Variants in LMX1B observed in about 807,000 individuals in gnomAD.
LMX1B encodes LIM homeobox transcription factor 1 beta.
Under a neutral mutation model 51.4 loss-of-function variants are expected in LMX1B, and 12 were observed. The ratio of observed to expected loss-of-function variants is 0.23; its 90% CI spans 0.15 to 0.38. The LOEUF is 0.38. LMX1B is among the 10% of genes least tolerant of loss of function. The pLI is 1.00. For synonymous variants in LMX1B, 237 were observed against 235.4 expected, an observed-to-expected ratio of 1.01 and a Z score of -0.06; for missense variants, 445 against 571.1, an observed-to-expected ratio of 0.78 and a Z score of 2.25.
chr9:126,650,462 G>C (rs1406947854), intron 2 of LMX1B, among the ~76,000 whole-genome samples: 1 of 152,216 alleles, frequency 6.6e-6, no homozygotes, highest in East Asian at 1.9e-4. Context: ...GCCCTCCCTG[G>C]GGACGATAAA....
intron 2 of LMX1B, among the ~76,000 whole-genome samples, chr9:126,666,289 T>C (rs1383364982): frequency 2.6e-5 from 4 of 152,150 alleles, no homozygotes; most frequent in African/African-American, 9.7e-5. Context: ...AGCATTCAGC[T>C]GACAGCCCTG....
chr9:126,621,989 G>T (rs1588262728), intron 2 of LMX1B, among the ~76,000 whole-genome samples: 1 of 152,068 alleles, frequency 6.6e-6, no homozygotes, highest in Admixed American at 6.5e-5. Flanking sequence ...TTTCTGCGTG[G>T]GCCCTTCCTT....
intron 2 of LMX1B, among the ~76,000 whole-genome samples, chr9:126,667,614 A>T (rs1836368007): frequency 1.3e-5 from 2 of 152,296 alleles, no homozygotes; most frequent in South Asian, 4.1e-4. Context: ...ATAGATCTGG[A>T]GGTGGTGGTT....
chr9:126,629,384 T>G (rs1378858546), intron 2 of LMX1B, among the ~76,000 whole-genome samples: 1 of 152,224 alleles, frequency 6.6e-6, no homozygotes, highest in African/African-American at 2.4e-5. Flanking sequence ...CTCAGCACTT[T>G]CCATTCTTTA....
intron 2 of LMX1B, among the ~76,000 whole-genome samples, chr9:126,686,235 A>G (rs4111368): frequency 0.45 from 67,096 of 147,788 alleles, 15,591 homozygotes; most frequent in East Asian, 0.53. Flanking sequence ...AGCCGAGATC[A>G]TACCACTGCA....
At position 126,615,974 on chromosome 9, in the gene LMX1B, G is replaced by A. The variant is rs1373202407; in HGVS notation, c.326+405G>A. Among the ~76,000 whole-genome samples, 1 of 152,194 alleles carries A rather than the reference G, an allele frequency of 6.6e-6. No individual in the cohort carries two copies. The highest frequency in any genetic ancestry group is 1.5e-5 in the Non-Finnish European group (1 of 68,040). ...TCAAGGGCCTGGTGTGTGGGGGTTT[G>A]GGATTCCTGGAGCCTGGAGCCAGGA... On this transcript the variant is annotated intron_variant, in intron 2 of 7. Transcript: ENST00000373474. The surrounding 1 kb of genome is among the most constrained non-coding windows in gnomAD (Gnocchi z 6.0).
At position 126,697,105 on chromosome 9, in the gene LMX1B, G is replaced by A. The variant is rs2030365536; in HGVS notation, c.*654G>A. On this transcript the variant is annotated 3_prime_UTR_variant, in exon 8 of 8. Coordinates refer to ENST00000373474, the MANE Select transcript of LMX1B (RefSeq NM_001174147.2). ...GCAAACACACACACAGCTGTATGGGGACACCAGAAGGGACAGGGATGCTCA... is the reference window on the plus strand; with the variant it reads ...GCAAACACACACACAGCTGTATGGGAACACCAGAAGGGACAGGGATGCTCA... 6.4e-6 allele frequency: 1 copy of A among 155,600 alleles called. No individual in the cohort carries two copies. The highest frequency in any genetic ancestry group is 1.4e-5 in the Non-Finnish European group (1 of 70,126). The allele number at this position is 155,600 out of a possible 1,614,324, so 9.6% of individuals were successfully genotyped here. A position where few individuals can be genotyped will look rare whatever the true frequency, so the allele number is the denominator to read the frequency against.
rs148193829 is a variant in LMX1B, at chr9:126,650,195, T to A, written c.326+34626T>A. Among the ~76,000 whole-genome samples, 6 of 152,302 alleles carry A rather than the reference T, an allele frequency of 3.9e-5. No individual in the cohort carries two copies. In the East Asian group the frequency reaches 1.2e-3, roughly 29 times the overall value. ...CTGAGGAGGGCTGGGCATAGGAGACTTCAGATAAGGAGCTTCCTGCCCTGC... is the reference window on the plus strand; with the variant it reads ...CTGAGGAGGGCTGGGCATAGGAGACATCAGATAAGGAGCTTCCTGCCCTGC... On this transcript the variant is annotated intron_variant, in intron 2 of 7. Transcript: ENST00000373474.
At chr9:126,657,058 C>G (rs1836131519) in intron 2 of LMX1B, among the ~76,000 whole-genome samples, 2 of 152,252 alleles carry the variant, frequency 1.3e-5, no homozygotes, top group African/African-American at 4.8e-5. Context: ...CCCTGGTCAC[C>G]TAACACTTGC....
chr9:126,694,922 C>T (rs1281692765), intron 6 of LMX1B, among the ~76,000 whole-genome samples: 4 of 152,106 alleles, frequency 2.6e-5, no homozygotes, highest in Non-Finnish European at 5.9e-5. Flanking sequence ...TATGCTCCAT[C>T]CTGCCCACAC....
chr9:126,652,416 C>T (rs1350701393), intron 2 of LMX1B, among the ~76,000 whole-genome samples: 1 of 152,240 alleles, frequency 6.6e-6, no homozygotes, highest in Admixed American at 6.5e-5. Flanking sequence ...ATAACTGCAC[C>T]TGGCAGGGAA....
chr9:126,644,023 T>C (rs1213033532), intron 2 of LMX1B, among the ~76,000 whole-genome samples: 2 of 152,120 alleles, frequency 1.3e-5, no homozygotes, highest in African/African-American at 4.8e-5. Flanking sequence ...CAAGGGAGTC[T>C]CAGTCACTGG....
chr9:126,657,009 A>G (rs1166818081), intron 2 of LMX1B, among the ~76,000 whole-genome samples: 1 of 152,060 alleles, frequency 6.6e-6, no homozygotes, highest in Admixed American at 6.5e-5. Flanking sequence ...GCTTTTTCCT[A>G]TTGCCTGATG....
chr9:126,626,938 C>A lies in LMX1B; in HGVS notation c.326+11369C>A, dbSNP rs2118851053. Among the ~76,000 whole-genome samples, 1 of 152,340 alleles carries A rather than the reference C, an allele frequency of 6.6e-6. No homozygotes were observed. The highest frequency in any genetic ancestry group is 1.9e-4 in the East Asian group (1 of 5,170). ...ATCAGCCCGGCCGGGCCCGCAGCGTCCGCCGGTCCGTCCGGGCTCCTCTGC... is the reference window on the plus strand; with the variant it reads ...ATCAGCCCGGCCGGGCCCGCAGCGTACGCCGGTCCGTCCGGGCTCCTCTGC... On this transcript the variant is annotated intron_variant, in intron 2 of 7. Coordinates refer to ENST00000373474, the MANE Select transcript of LMX1B (RefSeq NM_001174147.2). The surrounding 1 kb of genome is among the most constrained non-coding windows in gnomAD (Gnocchi z 4.3).
chr9:126,645,655 G>A (rs866096757), intron 2 of LMX1B, among the ~76,000 whole-genome samples: 1 of 152,178 alleles, frequency 6.6e-6, no homozygotes, highest in Non-Finnish European at 1.5e-5. Context: ...GAGGGTGGAA[G>A]ACCTGCCCTC....
At chr9:126,631,693 G>A (rs767863293) in intron 2 of LMX1B, among the ~76,000 whole-genome samples, 2 of 152,182 alleles carry the variant, frequency 1.3e-5, no homozygotes, top group African/African-American at 2.4e-5. Context: ...TTGAGAGGCC[G>A]AGAACTTAAC....
intron 2 of LMX1B, among the ~76,000 whole-genome samples, chr9:126,633,478 G>T (rs1466338230): frequency 6.6e-6 from 1 of 152,216 alleles, no homozygotes; most frequent in Admixed American, 6.5e-5. Context: ...GGGTGGGTGG[G>T]TTGCAGCAAG....
intron 2 of LMX1B, among the ~76,000 whole-genome samples, chr9:126,678,322 CAAAAAACAAAAAA>C (rs1475303998): frequency 1.6e-3 from 187 of 120,276 alleles, no homozygotes; most frequent in Middle Eastern, 4.3e-3. Flanking sequence ...AAAAAAAAAA[CAAAAAACAAAAAA>C]AAAAAACAAA....
In LMX1B at chr9:126,681,573, G is replaced by GCC. The variant is rs35980483; in HGVS notation, c.327-9257_327-9256dup. On this transcript the variant is annotated intron_variant, in intron 2 of 7. Coordinates refer to ENST00000373474, the MANE Select transcript of LMX1B (RefSeq NM_001174147.2). ...TCCCTGCTCCTCCCTCTAACCCGGT[G>GCC]CCCCCCCTACAGGTGCCTAAGGAAC... is the stretch of plus-strand genomic sequence containing the variant. 5.3e-5 allele frequency among the ~76,000 whole-genome samples: 8 copies of GCC among 151,750 alleles called. No homozygotes were observed. The South Asian group carries it at 6.2e-4, about 12-fold the overall frequency.
Sources: gnomAD v4.1 joint callset for allele counts (sites outside exome capture counted in the v4.1 genomes callset) on GRCh38, gnomAD v4.1.1 for gene constraint, Gnocchi (gnomAD v3.1) non-coding constraint, MANE v1.5 for transcripts, NCBI Gene and HGNC (gene_info 2026-07-23, HGNC 2026-07-21) for gene names.